The following CNTN4 variants were observed in gnomAD, a reference collection of about 807,000 sequenced individuals.
CNTN4 encodes the protein contactin 4, also known as contactin-4.
Under a neutral mutation model 122.5 loss-of-function variants are expected in CNTN4, and 77 were observed. The ratio of observed to expected loss-of-function variants is 0.63; its 90% CI spans 0.52 to 0.76. CNTN4 has a LOEUF of 0.76. Among genes scored for constraint, CNTN4 ranks in the 30% least tolerant of loss-of-function variants. The pLI is 0.00. For synonymous variants in CNTN4, 512 were observed against 447.0 expected (o/e 1.15, Z -1.83); for missense variants, 1,256 against 1,259.1 (o/e 1.00, Z 0.04).
intron 2 of CNTN4, among the ~76,000 whole-genome samples, chr3:2,303,845 C>G (rs902453153): frequency 6.6e-6 from 1 of 152,162 alleles, no homozygotes; most frequent in South Asian, 2.1e-4. Context: ...GCAAGCAAAT[C>G]TGGGTAGGAG....
intron 4 of CNTN4, among the ~76,000 whole-genome samples, chr3:2,612,192 A>G (rs1161614258): frequency 6.6e-6 from 1 of 152,108 alleles, no homozygotes; most frequent in East Asian, 1.9e-4. Flanking sequence ...CGATAAACCC[A>G]TCATAAGTTA....
chr3:2,343,171 G>A (rs1201090382), intron 3 of CNTN4, among the ~76,000 whole-genome samples: 2 of 152,126 alleles, frequency 1.3e-5, no homozygotes, highest in African/African-American at 4.8e-5. Flanking sequence ...TGGAGGCAGG[G>A]TAAACCTAAG....
At chr3:2,219,157 T>C (rs1488136625) in intron 2 of CNTN4, among the ~76,000 whole-genome samples, 7 of 152,352 alleles carry the variant, frequency 4.6e-5, no homozygotes, top group African/African-American at 1.4e-4. Context: ...CTTTTATGTC[T>C]AGCTTGATGT....
At chr3:2,120,374 A>AATATATAT (rs1185851358) in intron 2 of CNTN4, among the ~76,000 whole-genome samples, 71 of 59,050 alleles carry the variant, frequency 1.2e-3, no homozygotes, top group Non-Finnish European at 1.4e-3. Context: ...TATATATATA[A>AATATATAT]ATATATATAT....
intron 7 of CNTN4, among the ~76,000 whole-genome samples, chr3:2,850,325 A>C (rs1422461173): frequency 6.6e-6 from 1 of 152,208 alleles, no homozygotes; most frequent in Admixed American, 6.5e-5. Context: ...TAGCATGGTA[A>C]ACAGAACACA....
intron 3 of CNTN4, among the ~76,000 whole-genome samples, chr3:2,506,796 G>A (rs1258261818): frequency 6.6e-6 from 1 of 152,108 alleles, no homozygotes; most frequent in Non-Finnish European, 1.5e-5. Context: ...TGTGCATTTC[G>A]AGGTGGGAGA....
At chr3:2,839,422 A>G (rs1179081597) in intron 7 of CNTN4, among the ~76,000 whole-genome samples, 1 of 152,114 alleles carries the variant, frequency 6.6e-6, no homozygotes, top group African/African-American at 2.4e-5. Context: ...CCAAAAAAAA[A>G]AAAAGACAGT....
intron 3 of CNTN4, among the ~76,000 whole-genome samples, chr3:2,435,646 T>G (rs1310101614): frequency 6.6e-6 from 1 of 152,144 alleles, no homozygotes; most frequent in African/African-American, 2.4e-5. Context: ...TCCCAAAAAA[T>G]GCTAATGCTG....
intron 14 of CNTN4, among the ~76,000 whole-genome samples, chr3:3,009,308 C>G (rs1049340162): frequency 6.6e-6 from 1 of 152,198 alleles, no homozygotes; most frequent in Non-Finnish European, 1.5e-5. Context: ...TTCAGGAACT[C>G]TCTTCTAGTA....
intron 2 of CNTN4, among the ~76,000 whole-genome samples, chr3:2,309,869 T>A (rs2042850929): frequency 6.6e-6 from 1 of 152,162 alleles, no homozygotes; most frequent in African/African-American, 2.4e-5. Context: ...CCAGCTCAAT[T>A]CTGGCATGCT....
Position 2,762,251 on chromosome 3 carries a change from G to T in CNTN4, c.358+16554G>T, listed in dbSNP as rs981275534. ...TTTAATTTCAGGAATACACGTGCAG[G>T]TTTGTTACATAGGTAAACTTGTGTC... On this transcript the variant is annotated intron_variant, in intron 6 of 24. Transcript: ENST00000418658. Among the ~76,000 whole-genome samples, 5 of 152,296 alleles carry T rather than the reference G, an allele frequency of 3.3e-5. No individual in the cohort carries two copies. In the South Asian group the frequency reaches 8.3e-4, roughly 25 times the overall value.
At chr3:2,626,005 A>G (rs1425894613) in intron 4 of CNTN4, among the ~76,000 whole-genome samples, 1 of 152,214 alleles carries the variant, frequency 6.6e-6, no homozygotes, top group Non-Finnish European at 1.5e-5. Flanking sequence ...TGAGTTTGAA[A>G]TGATATCTCA....
intron 2 of CNTN4, among the ~76,000 whole-genome samples, chr3:2,234,207 C>T (rs371807744): frequency 2.6e-5 from 4 of 151,632 alleles, no homozygotes; most frequent in East Asian, 1.9e-4. Context: ...GGTGAAACCC[C>T]GTCTCTACTA....
At chr3:2,381,771 AT>A (rs1427970845) in intron 3 of CNTN4, among the ~76,000 whole-genome samples, 3 of 152,108 alleles carry the variant, frequency 2.0e-5, no homozygotes, top group African/African-American at 7.2e-5. Flanking sequence ...AAAATTATGT[AT>A]TTCTTATAAA....
At chr3:2,757,246 C>T (rs1035385820) in intron 6 of CNTN4, among the ~76,000 whole-genome samples, 12 of 152,088 alleles carry the variant, frequency 7.9e-5, no homozygotes, top group Non-Finnish European at 1.5e-4. Context: ...TAACCTTTCC[C>T]TTTCCCGGGT....
At chr3:2,842,760 C>T (rs79179395) in intron 7 of CNTN4, among the ~76,000 whole-genome samples, 2,441 of 152,294 alleles carry the variant, frequency 0.016, 73 homozygotes, top group African/African-American at 0.055. Flanking sequence ...TCTCTCTAAA[C>T]TTCTCAAATA....
At chr3:2,182,638 G>T (rs1304978179) in intron 2 of CNTN4, among the ~76,000 whole-genome samples, 1 of 152,072 alleles carries the variant, frequency 6.6e-6, no homozygotes, top group African/African-American at 2.4e-5. Context: ...AAAATTAGGA[G>T]TCAATTAGTC....
intron 13 of CNTN4, among the ~76,000 whole-genome samples, chr3:2,934,836 G>T (rs1261525459): frequency 6.6e-6 from 1 of 152,252 alleles, no homozygotes; most frequent in Non-Finnish European, 1.5e-5. Context: ...CATTGCTCTA[G>T]TTAGAATCTG....
At chr3:2,112,831 A>AC (rs1031684404) in intron 2 of CNTN4, among the ~76,000 whole-genome samples, 2 of 151,884 alleles carry the variant, frequency 1.3e-5, no homozygotes, top group African/African-American at 4.8e-5. Context: ...CTGGAGAGAG[A>AC]CCCCCATCCA....
Sources: allele counts gnomAD v4.1 joint callset (sites outside exome capture counted in the v4.1 genomes callset), GRCh38; gene constraint gnomAD v4.1.1; transcripts MANE v1.5; gene names NCBI Gene and HGNC (gene_info 2026-07-23, HGNC 2026-07-21).